The following MAML3 variants were observed in gnomAD, a reference collection of about 807,000 sequenced individuals.
MAML3 encodes the protein mastermind like transcriptional coactivator 3.
In MAML3, 27 loss-of-function variants were observed where a neutral mutation model predicts 101.9. The observed-to-expected ratio is 0.27, with a 90% CI of 0.20 to 0.37. The LOEUF is 0.37. MAML3 is among the 10% of genes least tolerant of loss of function. The pLI is 1.00. For synonymous variants in MAML3, 501 were observed against 555.9 expected, an observed-to-expected ratio of 0.90 and a Z score of 1.39; for missense variants, 1,316 against 1,444.9, an observed-to-expected ratio of 0.91 and a Z score of 1.45.
intron 1 of MAML3, among the ~76,000 whole-genome samples, chr4:139,967,338 C>G (rs1734153453): frequency 6.6e-6 from 1 of 152,056 alleles, no homozygotes; most frequent in Non-Finnish European, 1.5e-5. Flanking sequence ...ATGTGGGAAA[C>G]AGGGGAAGGA....
chr4:139,975,370 C>A lies in MAML3; in HGVS notation c.469-84403G>T, dbSNP rs58889911. Among the ~76,000 whole-genome samples, 54 of 152,166 alleles carry A rather than the reference C, an allele frequency of 3.5e-4. No individual in the cohort carries two copies. In the East Asian group the frequency reaches 0.01, roughly 29 times the overall value. On this transcript the variant is annotated intron_variant, in intron 1 of 4. Transcript: ENST00000509479. ...CTCAAATGTCACTTTTCAGTGAAGC[C>A]TTCCCTATCACCGTATCTAAAATTG...
chr4:139,967,453 A>G (rs995578151), intron 1 of MAML3, among the ~76,000 whole-genome samples: 1 of 143,686 alleles, frequency 7.0e-6, no homozygotes, highest in African/African-American at 2.6e-5. Flanking sequence ...AAATGTTGTT[A>G]GTTTTCTTTT....
chr4:139,721,767 TA>T lies in MAML3; in HGVS notation c.2417-1445del, dbSNP rs533176294. ...GGAAATCCCTAGAAATGTTTTCATA[TA>T]TTTTTTTAAGCTTCATTATATCTAA... is the stretch of plus-strand genomic sequence containing the variant. On this transcript the variant is annotated intron_variant, in intron 4 of 4. Transcript: ENST00000509479. 3.2e-4 allele frequency among the ~76,000 whole-genome samples: 49 copies of T among 152,344 alleles called. 1 individual carries two copies. In the East Asian group the frequency reaches 3.9e-3, roughly 12 times the overall value.
intron 2 of MAML3, among the ~76,000 whole-genome samples, chr4:139,871,298 A>G (rs1319084391): frequency 6.6e-6 from 1 of 152,184 alleles, no homozygotes; most frequent in Non-Finnish European, 1.5e-5. Flanking sequence ...TACAAATGAC[A>G]ATTAAGCCAA....
chr4:139,833,405 A>G (rs1731203780), intron 2 of MAML3, among the ~76,000 whole-genome samples: 1 of 152,220 alleles, frequency 6.6e-6, no homozygotes. Flanking sequence ...CGTCTGTGAA[A>G]TGACAGCCAC....
intron 2 of MAML3, among the ~76,000 whole-genome samples, chr4:139,789,479 G>A (rs764837025): frequency 7.2e-5 from 11 of 152,162 alleles, no homozygotes; most frequent in African/African-American, 1.9e-4. Context: ...TGAGCGAAGC[G>A]GAGCACACAG....
chr4:139,902,201 A>C (rs1732735126), intron 1 of MAML3, among the ~76,000 whole-genome samples: 1 of 152,002 alleles, frequency 6.6e-6, no homozygotes, highest in Non-Finnish European at 1.5e-5. Flanking sequence ...AGTTTCTCTC[A>C]TTCTCTCCTT....
chr4:139,734,633 C>T (rs752845786), intron 2 of MAML3, among the ~76,000 whole-genome samples: 5 of 152,254 alleles, frequency 3.3e-5, no homozygotes, highest in Admixed American at 6.5e-5. Context: ...GTGTCAAAAG[C>T]ACCCTTACCT....
At chr4:139,999,118 T>C (rs1229402304) in intron 1 of MAML3, among the ~76,000 whole-genome samples, 1 of 150,852 alleles carries the variant, frequency 6.6e-6, no homozygotes, top group Non-Finnish European at 1.5e-5. Flanking sequence ...TGTAGATTGC[T>C]TGGGCTCTCT....
intron 2 of MAML3, among the ~76,000 whole-genome samples, chr4:139,873,948 G>C (rs930420148): frequency 6.6e-6 from 1 of 152,136 alleles, no homozygotes; most frequent in African/African-American, 2.4e-5. Flanking sequence ...TAACTAATAT[G>C]GTAATCTTTC....
At chr4:139,980,554 C>T (rs1212978623) in intron 1 of MAML3, among the ~76,000 whole-genome samples, 1 of 152,270 alleles carries the variant, frequency 6.6e-6, no homozygotes, top group East Asian at 1.9e-4. Flanking sequence ...CCTCTAGATC[C>T]CGGTTAACTT....
chr4:140,051,038 C>A (rs1395081726), intron 1 of MAML3, among the ~76,000 whole-genome samples: 1 of 152,170 alleles, frequency 6.6e-6, no homozygotes, highest in Non-Finnish European at 1.5e-5. Context: ...AGTCAGATGG[C>A]AGAAATTCCC....
intron 2 of MAML3, among the ~76,000 whole-genome samples, chr4:139,801,646 GT>G (rs758095721): frequency 2.3e-3 from 24 of 10,246 alleles, no homozygotes; most frequent in Non-Finnish European, 5.4e-3. Flanking sequence ...GTGTGTGGGT[GT>G]GTGTGTGTGT....
intron 1 of MAML3, among the ~76,000 whole-genome samples, chr4:139,988,039 AAAAG>A (rs1480220120): frequency 6.5e-4 from 81 of 124,964 alleles, no homozygotes; most frequent in Non-Finnish European, 1.3e-3. Context: ...AAAAAAAAAA[AAAAG>A]GAAGAAAGAA....
intron 2 of MAML3, among the ~76,000 whole-genome samples, chr4:139,872,283 C>A (rs1732026615): frequency 6.6e-6 from 1 of 152,172 alleles, no homozygotes; most frequent in African/African-American, 2.4e-5. Context: ...GCTTTTACTT[C>A]CTTTGTGAGG....
At chr4:139,914,935 A>C (rs957832546) in intron 1 of MAML3, among the ~76,000 whole-genome samples, 3 of 152,198 alleles carry the variant, frequency 2.0e-5, no homozygotes, top group African/African-American at 7.2e-5. Flanking sequence ...CAGATGAGCC[A>C]ACTTGAATAT....
intron 2 of MAML3, among the ~76,000 whole-genome samples, chr4:139,758,072 T>C (rs780954930): frequency 6.6e-6 from 1 of 152,228 alleles, no homozygotes; most frequent in Non-Finnish European, 1.5e-5. Context: ...ACTCGCCTCT[T>C]GCAGTGCCTA....
intron 2 of MAML3, among the ~76,000 whole-genome samples, chr4:139,879,089 G>A (rs1177121891): frequency 6.6e-6 from 1 of 152,136 alleles, no homozygotes; most frequent in African/African-American, 2.4e-5. Context: ...GACAATAACT[G>A]CCATATTTAA....
At position 139,842,762 on chromosome 4, in the gene MAML3, CTTTTTTTTTTTTTTTTTT is replaced by C. The variant is rs71584337; in HGVS notation, c.2079+46577_2079+46594del. On this transcript the variant is annotated intron_variant, in intron 2 of 4. Coordinates refer to ENST00000509479, the MANE Select transcript of MAML3 (RefSeq NM_018717.5). Reference sequence around the variant, plus strand: ...TCCTGGCCTCAAGTTATCCGCTTGCCTTTTTTTTTTTTTTTTTTTTTTTTTTTTTTTTTTGAGACAGAG... The same window carrying C: ...TCCTGGCCTCAAGTTATCCGCTTGCCTTTTTTTTTTTTTTTTGAGACAGAG... 6.8e-3 allele frequency among the ~76,000 whole-genome samples: 211 copies of C among 30,964 alleles called. 2 individuals are homozygous for C. Among genetic ancestry groups the C allele is most frequent in the African/African-American group, 0.026 (196 of 7,502 alleles). 20.3% of individuals were successfully genotyped at this position (30,964 alleles called of 152,430 possible).
Sources: allele counts gnomAD v4.1 joint callset (sites outside exome capture counted in the v4.1 genomes callset), GRCh38; gene constraint gnomAD v4.1.1; transcripts MANE v1.5; gene names NCBI Gene and HGNC (gene_info 2026-07-23, HGNC 2026-07-21).